The following PCDH15 variants were observed in gnomAD, a reference collection of about 807,000 sequenced individuals.
The protein encoded by PCDH15 is protocadherin-15.
PCDH15 carries 129 observed loss-of-function variants against 178.5 expected under a neutral mutation model. That is an observed-to-expected ratio of 0.72 (90% CI 0.63 to 0.84). The LOEUF is 0.84. PCDH15 is among the 40% of genes least tolerant of loss of function. The pLI is 0.00. For synonymous variants in PCDH15, 800 were observed against 732.0 expected (o/e 1.09, Z -1.50); for missense variants, 2,230 against 2,099.9 (o/e 1.06, Z -1.21).
In PCDH15 at chr10:53,902,578, T is replaced by C. The variant is rs2082401505; in HGVS notation, c.3501+665A>G. Among the ~76,000 whole-genome samples the C allele has an allele frequency of 2.6e-5, 4 of 152,072 alleles. No homozygotes were observed. The South Asian group carries it at 8.3e-4, about 31-fold the overall frequency. ...AATCTTTAAAATTTTTTCTTAGTAA[T>C]AAAACATTAGTAATACACAGTTGAT... On this transcript the variant is annotated intron_variant, in intron 26 of 37. Coordinates refer to ENST00000644397, the MANE Select transcript of PCDH15 (RefSeq NM_001384140.1).
At chr10:54,305,819 A>G (rs1478849471) in intron 8 of PCDH15, among the ~76,000 whole-genome samples, 1 of 151,774 alleles carries the variant, frequency 6.6e-6, no homozygotes, top group Non-Finnish European at 1.5e-5. Context: ...ATAGCAGAAG[A>G]GAATATTCTG....
intron 1 of PCDH15, among the ~76,000 whole-genome samples, chr10:54,787,536 AG>A (rs1951002278): frequency 6.6e-6 from 1 of 151,982 alleles, no homozygotes; most frequent in South Asian, 2.1e-4. Flanking sequence ...CTCTTCTGCA[AG>A]GCAAGTTACA....
chr10:53,978,348 G>A (rs1427860195), intron 21 of PCDH15, among the ~76,000 whole-genome samples: 1 of 152,144 alleles, frequency 6.6e-6, no homozygotes, highest in African/African-American at 2.4e-5. Context: ...CATGGAAGCT[G>A]CCTAGGATTG....
chr10:54,270,377 C>T (rs1312712698), intron 8 of PCDH15, among the ~76,000 whole-genome samples: 1 of 152,098 alleles, frequency 6.6e-6, no homozygotes, highest in Admixed American at 6.6e-5. Context: ...CTATGGAATA[C>T]ATGAACACAT....
intron 1 of PCDH15, among the ~76,000 whole-genome samples, chr10:54,735,232 C>A (rs1182871678): frequency 6.6e-6 from 1 of 151,924 alleles, no homozygotes; most frequent in African/African-American, 2.4e-5. Flanking sequence ...TGCTTTTGAC[C>A]AATTTGGTTA....
At chr10:55,137,776 T>A (rs879470650) in intron 2 of PCDH15, among the ~76,000 whole-genome samples, 1 of 151,664 alleles carries the variant, frequency 6.6e-6, no homozygotes, top group Non-Finnish European at 1.5e-5. Context: ...TACAGAAGAG[T>A]GAACAGGGTG....
rs1447054391 is a variant in PCDH15, at chr10:55,265,712, C to G, written c.-156+53887G>C. 3.9e-5 allele frequency among the ~76,000 whole-genome samples: 6 copies of G among 152,194 alleles called. No homozygotes were observed. The East Asian group carries it at 1.2e-3, about 29-fold the overall frequency. ...ATCGACCAGGGATTTGCTGAAAACC[C>G]CACTGCCTTCCTGGAAAAGCTAAGA... On this transcript the variant is annotated intron_variant, in intron 1 of 5. Transcript: ENST00000458638.
intron 3 of PCDH15, among the ~76,000 whole-genome samples, chr10:54,864,025 C>T (rs1203650850): frequency 6.6e-6 from 1 of 152,056 alleles, no homozygotes. Flanking sequence ...TAGATCAGTG[C>T]AAATCTACAG....
chr10:54,935,480 C>T (rs1191370965), intron 2 of PCDH15, among the ~76,000 whole-genome samples: 1 of 151,962 alleles, frequency 6.6e-6, no homozygotes, highest in Non-Finnish European at 1.5e-5. Flanking sequence ...TAAAATATAC[C>T]CTTCAAATGC....
At chr10:54,286,460 T>C (rs1235902329) in intron 8 of PCDH15, among the ~76,000 whole-genome samples, 2 of 152,210 alleles carry the variant, frequency 1.3e-5, no homozygotes, top group Non-Finnish European at 2.9e-5. Context: ...AAAGAATTTA[T>C]TGTATCCTTT....
At chr10:54,749,391 C>CTT (rs1945892802) in intron 1 of PCDH15, among the ~76,000 whole-genome samples, 3 of 152,084 alleles carry the variant, frequency 2.0e-5, no homozygotes, top group Non-Finnish European at 4.4e-5. Flanking sequence ...CCCATTAACA[C>CTT]TAGGGAGCAT....
At chr10:54,971,747 C>T (rs917159446) in intron 2 of PCDH15, among the ~76,000 whole-genome samples, 9 of 152,176 alleles carry the variant, frequency 5.9e-5, no homozygotes, top group Non-Finnish European at 1.3e-4. Context: ...ATAGTAAACA[C>T]TTAATAAATA....
intron 6 of PCDH15, among the ~76,000 whole-genome samples, chr10:54,333,589 A>C (rs1322646419): frequency 6.6e-6 from 1 of 151,836 alleles, no homozygotes; most frequent in East Asian, 1.9e-4. Flanking sequence ...TAAATTAAGC[A>C]AGGGAAAAAA....
rs147773495 is a variant in PCDH15 at position 54,011,321 on chromosome 10, C to A, written c.2751+8871G>T. On this transcript the variant is annotated intron_variant, in intron 20 of 37. Transcript: ENST00000644397. ...CCACAAGCTTGGTCCTACAATGCAG[C>A]CACCACACCCCAGGCTGACTGTACT... 5.3e-5 allele frequency among the ~76,000 whole-genome samples: 8 copies of A among 152,282 alleles called. 1 individual carries two copies. In the East Asian group the frequency reaches 1.5e-3, roughly 29 times the overall value.
chr10:55,026,382 T>C (rs187045758), intron 2 of PCDH15, among the ~76,000 whole-genome samples: 3 of 152,132 alleles, frequency 2.0e-5, no homozygotes, highest in African/African-American at 4.8e-5. Flanking sequence ...TATAATATTA[T>C]GTCATATATT....
At chr10:54,724,172 A>G (rs982975107) in intron 1 of PCDH15, among the ~76,000 whole-genome samples, 2 of 151,782 alleles carry the variant, frequency 1.3e-5, no homozygotes, top group African/African-American at 4.8e-5. Context: ...AATAAGGAAA[A>G]TGTGGTGTAT....
chr10:54,185,452 AC>A (rs2048403253), intron 11 of PCDH15, among the ~76,000 whole-genome samples, 184 bp from the exon 12 acceptor site: 1 of 152,142 alleles, frequency 6.6e-6, no homozygotes, highest in South Asian at 2.1e-4. Flanking sequence ...AAAGATGGTG[AC>A]CTATATCGTG....
chr10:55,573,472 G>T (rs891721772), intron 2 of PCDH15, among the ~76,000 whole-genome samples: 1 of 152,054 alleles, frequency 6.6e-6, no homozygotes, highest in African/African-American at 2.4e-5. Flanking sequence ...ATAATTACAA[G>T]TTTTCAATAA....
intron 2 of PCDH15, among the ~76,000 whole-genome samples, chr10:54,646,249 G>A (rs2094128215): frequency 6.6e-6 from 1 of 152,042 alleles, no homozygotes; most frequent in African/African-American, 2.4e-5. Flanking sequence ...TTCAACTGCA[G>A]CCTGGACTCA....
Sources: gnomAD v4.1 joint callset for allele counts (sites outside exome capture counted in the v4.1 genomes callset) on GRCh38, gnomAD v4.1.1 for gene constraint, MANE v1.5 for transcripts, NCBI Gene and HGNC (gene_info 2026-07-23, HGNC 2026-07-21) for gene names.